ESYT2: variants seen among roughly 807,000 people sequenced by gnomAD.
ESYT2 encodes extended synaptotagmin 2, also known as extended synaptotagmin-2.
A neutral mutation model predicts 107.2 loss-of-function variants in ESYT2; 54 were observed. That is an observed-to-expected ratio of 0.50 (90% CI 0.40 to 0.63). The LOEUF (loss-of-function observed/expected upper bound fraction) is 0.63. ESYT2 is among the 30% of genes least tolerant of loss of function. The pLI, the probability that ESYT2 is intolerant of heterozygous loss-of-function variation, is 0.00. For synonymous variants in ESYT2, 491 were observed against 434.1 expected, an observed-to-expected ratio of 1.13 and a Z score of -1.63; for missense variants, 1,020 against 1,094.5, an observed-to-expected ratio of 0.93 and a Z score of 0.96.
At position 158,746,229 on chromosome 7, in the gene ESYT2, G is replaced by GACACACACACAC. The variant is rs55828446; in HGVS notation, c.1644+1953_1644+1964dup. Among the ~76,000 whole-genome samples the GACACACACACAC allele has an allele frequency of 5.0e-3, 734 of 148,014 alleles. 4 individuals carry two copies. Among genetic ancestry groups the GACACACACACAC allele is most frequent in the East Asian group, 0.022 (110 of 5,018 alleles). On this transcript the variant is annotated intron_variant, in intron 16 of 22. Transcript: ENST00000275418. ...AACCGCATCTTTACATACATAAATA[G>GACACACACACAC]ACACACACACACACACACACACACA... is the stretch of plus-strand genomic sequence containing the variant.
chr7:158,810,252 T>C (rs181069321), intron 1 of ESYT2, among the ~76,000 whole-genome samples: 1 of 152,346 alleles, frequency 6.6e-6, no homozygotes, highest in Admixed American at 6.5e-5. Context: ...TGATTTATAT[T>C]TGCCTACAAG....
chr7:158,748,197 A>T lies in ESYT2; in HGVS notation c.1641T>A (p.Val547=), dbSNP rs1214754393. 6.2e-7 allele frequency: 1 copy of T among 1,613,444 alleles called. No individual in the cohort carries two copies. The highest frequency in any genetic ancestry group is 1.7e-5 in the Admixed American group (1 of 59,774). Residue 547 remains valine (V), a synonymous_variant, in exon 16 of 23, where the codon GTT becomes GTA. Transcript: ENST00000275418. ...TTAAAAAATGCAAATAAAATACCTC[A>T]ACTTCAAGGTCCTGGCGCTTGGGAT... The part of the protein sequence containing the change: ...IHNPKRQDLE[V]EVRDEQHQCS...
intron 1 of ESYT2, among the ~76,000 whole-genome samples, chr7:158,821,395 G>C (rs1840281303): frequency 6.6e-6 from 1 of 152,202 alleles, no homozygotes; most frequent in Admixed American, 6.5e-5. Context: ...CAACAATCCA[G>C]CAATAATTTT....
At chr7:158,803,836 C>T (rs1426683691) in intron 1 of ESYT2, among the ~76,000 whole-genome samples, 1 of 124,710 alleles carries the variant, frequency 8.0e-6, no homozygotes, top group African/African-American at 3.2e-5. Flanking sequence ...CGCGACAAAC[C>T]CAAACCGTCG....
Position 158,759,666 on chromosome 7 carries a change from G to A in ESYT2, c.1324-85C>T, listed in dbSNP as rs542887286. ...TATCTGATTGTATCATGTTGATTAC[G>A]CTAAAAATAAGAAAGGTGAGAAACC... On this transcript the variant is annotated intron_variant, in intron 12 of 22. Coordinates refer to ENST00000275418, the MANE Select transcript of ESYT2 (RefSeq NM_001367773.1). 72 of 1,136,876 alleles carry A rather than the reference G, an allele frequency of 6.3e-5. No individual in the cohort carries two copies. In the African/African-American group the frequency reaches 1.0e-3, roughly 16 times the overall value. The allele number at this position is 1,136,876 out of a possible 1,614,324, so 70.4% of individuals were successfully genotyped here.
chr7:158,797,796 G>A (rs1036622516), intron 3 of ESYT2, 146 bp downstream of exon 3: 1 of 1,072,224 alleles, frequency 9.3e-7, no homozygotes, highest in East Asian at 2.6e-5. Context: ...AGAGTTTGCA[G>A]TGAGCCAAGA....
chr7:158,766,491 A>G (rs1838169199), intron 8 of ESYT2, among the ~76,000 whole-genome samples: 1 of 152,200 alleles, frequency 6.6e-6, no homozygotes, highest in Non-Finnish European at 1.5e-5. Context: ...ATTCTTTTCT[A>G]ATATACAGCA....
intron 15 of ESYT2, 121 bp from the exon 16 acceptor site, chr7:158,748,401 A>G (rs750457103): frequency 2.6e-6 from 2 of 768,430 alleles, no homozygotes; most frequent in Non-Finnish European, 4.2e-6. Context: ...AAAAACTAGA[A>G]GCTTAGGTTG....
rs61735910 is a variant in ESYT2, at chr7:158,759,543, G to A, written c.1362C>T (p.Asn454=). Residue 454 remains asparagine (N), a synonymous_variant, in exon 13 of 23, where the codon AAC becomes AAT. Transcript: ENST00000275418. ...TCAGCAATGCAGAGGAAAGACCATC[G>A]TTGGCTTGGTCTTTGTCAGCTTTGA... is the stretch of plus-strand genomic sequence containing the variant. ...TDIKADKDQA[N]DGLSSALLIL... 5,735 of 1,612,548 alleles carry A rather than the reference G, an allele frequency of 3.6e-3. 147 individuals carry two copies. The African/African-American group carries it at 0.062, about 17-fold the overall frequency.
At chr7:158,784,806 G>C (rs1207839493) in intron 6 of ESYT2, among the ~76,000 whole-genome samples, 4 of 152,146 alleles carry the variant, frequency 2.6e-5, no homozygotes, top group Non-Finnish European at 4.4e-5. Context: ...CCATTTTACA[G>C]AGGAAGAAAT....
chr7:158,827,881 G>A (rs762899822), intron 1 of ESYT2, among the ~76,000 whole-genome samples: 2 of 152,294 alleles, frequency 1.3e-5, no homozygotes, highest in South Asian at 4.1e-4. Context: ...GTGAAACTGT[G>A]AAGCCAAGTC....
chr7:158,748,117 TC>T, intron 16 of ESYT2, 76 bp downstream of exon 16: 1 of 1,363,600 alleles, frequency 7.3e-7, no homozygotes, highest in Non-Finnish European at 1.0e-6. Context: ...TATACACGGG[TC>T]ACAACTCAGC....
intron 1 of ESYT2, among the ~76,000 whole-genome samples, chr7:158,801,501 T>C (rs962559918): frequency 6.6e-6 from 1 of 152,210 alleles, no homozygotes; most frequent in African/African-American, 2.4e-5. Context: ...TCATAAACAT[T>C]TGCTTATTTT....
intron 16 of ESYT2, 68 bp downstream of exon 16, chr7:158,748,126 A>AG (rs746565369): frequency 6.2e-5 from 90 of 1,454,168 alleles, no homozygotes; most frequent in Non-Finnish European, 7.4e-5. Context: ...GTCACAACTC[A>AG]GCAAATTGTA....
At chr7:158,782,939 C>T (rs1026919340) in intron 6 of ESYT2, among the ~76,000 whole-genome samples, 22 of 152,182 alleles carry the variant, frequency 1.4e-4, no homozygotes, top group African/African-American at 5.1e-4. Flanking sequence ...CACATGAGGG[C>T]ACCGTGGAGA....
chr7:158,828,516 G>C, intron 1 of ESYT2, among the ~76,000 whole-genome samples: 1 of 152,216 alleles, frequency 6.6e-6, no homozygotes, highest in Non-Finnish European at 1.5e-5. Flanking sequence ...TCTGCAGGCC[G>C]GGGGAGGGAA....
At chr7:158,814,417 T>C (rs189510777) in intron 1 of ESYT2, among the ~76,000 whole-genome samples, 211 of 150,180 alleles carry the variant, frequency 1.4e-3, no homozygotes, top group Non-Finnish European at 2.2e-3. Context: ...ATGTTACTCG[T>C]CCCGATTACT....
At chr7:158,761,740 ACC>A (rs1283115430) in intron 10 of ESYT2, among the ~76,000 whole-genome samples, 196 bp from the exon 11 acceptor site, 3 of 151,978 alleles carry the variant, frequency 2.0e-5, no homozygotes, top group Non-Finnish European at 4.4e-5. Context: ...CCTCCAGCTC[ACC>A]CCCAGTGTCA....
At chr7:158,759,681 G>T in intron 12 of ESYT2, 100 bp from the exon 13 acceptor site, 1 of 963,994 alleles carries the variant, frequency 1.0e-6, no homozygotes, top group Non-Finnish European at 1.5e-6. Context: ...AAATAAGAAA[G>T]GTGAGAAACC....
Sources: allele counts gnomAD v4.1 joint callset (sites outside exome capture counted in the v4.1 genomes callset), GRCh38; gene constraint gnomAD v4.1.1; transcripts MANE v1.5; gene names NCBI Gene and HGNC (gene_info 2026-07-23, HGNC 2026-07-21).